The following UBR1 variants were observed in gnomAD, a reference collection of about 807,000 sequenced individuals.
UBR1 encodes ubiquitin protein ligase E3 component n-recognin 1.
A neutral mutation model predicts 242.1 loss-of-function variants in UBR1; 102 were observed. The observed-to-expected ratio is 0.42, with a 90% CI of 0.36 to 0.50. The LOEUF (loss-of-function observed/expected upper bound fraction) is 0.50, where lower values mean the gene tolerates loss of function less well. Ranked by LOEUF, UBR1 falls within the 20% of genes least tolerant of loss-of-function variation. The pLI is 0.01. For missense variants in UBR1, 1,772 were observed against 2,101.8 expected (o/e 0.84, Z 3.07); for synonymous variants, 675 against 684.8 (o/e 0.99, Z 0.22).
chr15:43,088,353 T>C (rs2034063869), intron 1 of UBR1, among the ~76,000 whole-genome samples: 1 of 152,204 alleles, frequency 6.6e-6, no homozygotes, highest in Non-Finnish European at 1.5e-5. Context: ...GTATATCCAC[T>C]GTGGTACAGT....
At position 43,050,464 on chromosome 15, in the gene UBR1, CT is replaced by C. The variant is rs527585370; in HGVS notation, c.1440-1974del. 1.0e-3 allele frequency among the ~76,000 whole-genome samples: 158 copies of C among 152,266 alleles called. 1 individual carries two copies. The highest frequency in any genetic ancestry group is 3.7e-3 in the African/African-American group (155 of 41,544). ...GTGGCTCACGCCTGTAATCCCAGCA[CT>C]TTAAGAGGCCGAGGTGGGCAGATTG... is the stretch of plus-strand genomic sequence containing the variant. On this transcript the variant is annotated intron_variant, in intron 12 of 46. Transcript: ENST00000290650.
At chr15:43,070,254 A>C (rs2033808374) in intron 5 of UBR1, among the ~76,000 whole-genome samples, 1 of 149,176 alleles carries the variant, frequency 6.7e-6, no homozygotes, top group Admixed American at 6.6e-5. Flanking sequence ...TAGCTAAAAA[A>C]AAAAAAAAAA....
At chr15:43,030,365 C>T (rs1181570324) in intron 20 of UBR1, among the ~76,000 whole-genome samples, 1 of 152,162 alleles carries the variant, frequency 6.6e-6, no homozygotes, top group Non-Finnish European at 1.5e-5. Context: ...CATACTCACA[C>T]ATTATAAACA....
intron 1 of UBR1, 116 bp from the exon 2 acceptor site, chr15:43,086,356 T>A: frequency 7.7e-7 from 1 of 1,296,540 alleles, no homozygotes; most frequent in Non-Finnish European, 1.0e-6. Context: ...ATATTTCATC[T>A]TTCACCAATA....
At chr15:43,046,685 A>G (rs961627197) in intron 14 of UBR1, among the ~76,000 whole-genome samples, 4 of 152,184 alleles carry the variant, frequency 2.6e-5, no homozygotes, top group African/African-American at 9.6e-5. Flanking sequence ...TAAATAAATG[A>G]GGTCATCATT....
chr15:43,077,939 A>C (rs2033927684), intron 3 of UBR1, among the ~76,000 whole-genome samples: 2 of 152,178 alleles, frequency 1.3e-5, no homozygotes. Flanking sequence ...TACATTATCC[A>C]TACTTTCAGC....
At chr15:43,079,783 AAAATAAAT>A (rs562573202) in intron 3 of UBR1, among the ~76,000 whole-genome samples, 201 of 152,248 alleles carry the variant, frequency 1.3e-3, no homozygotes, top group African/African-American at 4.7e-3. Flanking sequence ...CTCCGTCTCA[AAAATAAAT>A]AAATAAATAA....
intron 5 of UBR1, 28 bp from the exon 6 acceptor site, chr15:43,068,064 G>C: frequency 7.4e-7 from 1 of 1,354,802 alleles, no homozygotes; most frequent in Non-Finnish European, 1.0e-6. Context: ...TATATATTTG[G>C]ATACTACAAC....
In UBR1 at chr15:43,004,522, G is replaced by A. The variant is rs541651117; in HGVS notation, c.3416-592C>T. Among the ~76,000 whole-genome samples the A allele has an allele frequency of 4.1e-3, 630 of 152,304 alleles. 10 individuals carry two copies. Among genetic ancestry groups the A allele is most frequent in the African/African-American group, 0.014 (601 of 41,564 alleles). On this transcript the variant is annotated intron_variant, in intron 30 of 46. Coordinates refer to ENST00000290650, the MANE Select transcript of UBR1 (RefSeq NM_174916.3). ...GCCTGCAGAGTGCCTGGGATTGCAG[G>A]CACACGCCGCCACGCCTGACTGGTT...
chr15:42,972,299 TA>T (rs2032219765), intron 39 of UBR1, among the ~76,000 whole-genome samples: 1 of 152,188 alleles, frequency 6.6e-6, no homozygotes, highest in Admixed American at 6.5e-5. Flanking sequence ...CAAATTGACT[TA>T]TTTTAGCTAG....
intron 21 of UBR1, 131 bp from the exon 22 acceptor site, chr15:43,027,959 T>C (rs2033198997): frequency 4.9e-6 from 4 of 822,476 alleles, no homozygotes; most frequent in South Asian, 4.7e-5. Flanking sequence ...ATTTCCACTA[T>C]TAAAAAATTA....
At chr15:42,968,551 T>G (rs2032149552) in intron 40 of UBR1, among the ~76,000 whole-genome samples, 2 of 151,942 alleles carry the variant, frequency 1.3e-5, no homozygotes, top group African/African-American at 2.4e-5. Flanking sequence ...TTATTATTAT[T>G]ATGCACGTGC....
chr15:42,997,673 T>A (rs1304966133), intron 33 of UBR1, among the ~76,000 whole-genome samples: 1 of 152,252 alleles, frequency 6.6e-6, no homozygotes, highest in Non-Finnish European at 1.5e-5. Context: ...ATTAATAGTA[T>A]TAGTAATAGT....
At chr15:43,037,163 C>G (rs2141317440) in intron 17 of UBR1, among the ~76,000 whole-genome samples, 1 of 151,796 alleles carries the variant, frequency 6.6e-6, no homozygotes, top group South Asian at 2.1e-4. Flanking sequence ...GCCTGGCCAA[C>G]ATGGTAAAGC....
At chr15:43,102,660 A>G (rs184144401) in intron 1 of UBR1, among the ~76,000 whole-genome samples, 1 of 152,296 alleles carries the variant, frequency 6.6e-6, no homozygotes. Context: ...AGTCCTCATT[A>G]TCATGGACCC....
At chr15:43,041,256 T>C (rs1046210457) in intron 15 of UBR1, among the ~76,000 whole-genome samples, 1 of 152,160 alleles carries the variant, frequency 6.6e-6, no homozygotes, top group Non-Finnish European at 1.5e-5. Context: ...TGGAATACTA[T>C]GCAGCCATAA....
At chr15:42,981,034 CT>C (rs1330336809) in intron 37 of UBR1, among the ~76,000 whole-genome samples, 2 of 152,076 alleles carry the variant, frequency 1.3e-5, no homozygotes, top group African/African-American at 2.4e-5. Flanking sequence ...AATCTTGCCC[CT>C]GACCCAGCCC....
intron 19 of UBR1, among the ~76,000 whole-genome samples, chr15:43,033,297 G>A (rs942672198): frequency 6.6e-6 from 1 of 151,984 alleles, no homozygotes; most frequent in African/African-American, 2.4e-5. Flanking sequence ...CGGATCATGA[G>A]GTCAGAAGTT....
chr15:43,026,501 G>A, intron 23 of UBR1, 60 bp downstream of exon 23: 2 of 1,456,944 alleles, frequency 1.4e-6, no homozygotes, highest in African/African-American at 1.4e-5. Flanking sequence ...AAAATTTTCT[G>A]TGGAGTTAGA....
Sources: allele counts gnomAD v4.1 joint callset (sites outside exome capture counted in the v4.1 genomes callset), GRCh38; gene constraint gnomAD v4.1.1; transcripts MANE v1.5; gene names NCBI Gene and HGNC (gene_info 2026-07-23, HGNC 2026-07-21).